Variants in PRELID2 observed in about 807,000 individuals in gnomAD.
PRELID2 encodes PRELI domain-containing protein 2.
Under a neutral mutation model 28.4 loss-of-function variants are expected in PRELID2, and 25 were observed. The observed-to-expected ratio is 0.88, with a 90% CI of 0.64 to 1.23. PRELID2 has a LOEUF of 1.23. PRELID2 is among the 50% of genes most tolerant of loss of function. The pLI, the probability that PRELID2 is intolerant of heterozygous loss-of-function variation, is 0.00. For missense variants in PRELID2, 201 were observed against 214.4 expected (o/e 0.94, Z 0.39); for synonymous variants, 76 against 71.6 (o/e 1.06, Z -0.31).
chr5:145,585,081 T>C (rs1457547008), intron 1 of PRELID2, among the ~76,000 whole-genome samples: 1 of 152,184 alleles, frequency 6.6e-6, no homozygotes, highest in Non-Finnish European at 1.5e-5. Context: ...GTGGTATATA[T>C]ACACAATGGG....
the PRELID2 span, among the ~76,000 whole-genome samples, chr5:145,422,465 T>C: frequency 1.3e-5 from 2 of 152,238 alleles, no homozygotes; most frequent in South Asian, 4.1e-4. Flanking sequence ...TCTTGTTGAA[T>C]TGATCCCTTT....
chr5:145,771,360 C>G (rs1180207371), intron 5 of PRELID2, among the ~76,000 whole-genome samples: 1 of 151,868 alleles, frequency 6.6e-6, no homozygotes, highest in African/African-American at 2.4e-5. Context: ...ACAAAATCGT[C>G]TAATAATATA....
chr5:145,482,320 A>C (rs1752169376), intron 1 of PRELID2, among the ~76,000 whole-genome samples: 1 of 152,236 alleles, frequency 6.6e-6, no homozygotes, highest in African/African-American at 2.4e-5. Context: ...AAGGAAAAAC[A>C]AAACAAAACA....
chr5:145,601,978 G>A (rs73792641), intron 1 of PRELID2, among the ~76,000 whole-genome samples: 4,909 of 152,206 alleles, frequency 0.032, 244 homozygotes, highest in African/African-American at 0.11. Flanking sequence ...TAGGAGAAAA[G>A]GAGTTGGAAT....
chr5:145,337,107 T>C, the PRELID2 span, among the ~76,000 whole-genome samples: 1 of 149,814 alleles, frequency 6.7e-6, no homozygotes, highest in Non-Finnish European at 1.5e-5. Context: ...AAACTTGAAG[T>C]ATAATAATAA....
chr5:145,754,792 T>C (rs1317318914), downstream of PRELID2, among the ~76,000 whole-genome samples: 1 of 152,208 alleles, frequency 6.6e-6, no homozygotes, highest in African/African-American at 2.4e-5. Flanking sequence ...ATGCTGAAGA[T>C]GAACCCTACA....
chr5:145,618,033 G>A (rs1282141863), intron 1 of PRELID2, among the ~76,000 whole-genome samples: 2 of 151,946 alleles, frequency 1.3e-5, no homozygotes, highest in African/African-American at 2.4e-5. Flanking sequence ...ATGCCCGGCC[G>A]ATTGTTTTTT....
intron 4 of PRELID2, among the ~76,000 whole-genome samples, chr5:145,815,653 C>T (rs1343255778): frequency 2.0e-5 from 3 of 152,182 alleles, no homozygotes; most frequent in African/African-American, 7.2e-5. Context: ...AATAAATGGA[C>T]CCATACAATA....
the PRELID2 span, among the ~76,000 whole-genome samples, chr5:145,320,732 T>A: frequency 2.5e-4 from 38 of 152,338 alleles, no homozygotes; most frequent in African/African-American, 8.7e-4. Context: ...AGGATATTTG[T>A]ACCATAAGCA....
At chr5:145,655,675 G>T (rs192286653) in intron 1 of PRELID2, among the ~76,000 whole-genome samples, 1 of 152,190 alleles carries the variant, frequency 6.6e-6, no homozygotes, top group Non-Finnish European at 1.5e-5. Flanking sequence ...AATAAATGGT[G>T]CTGGGAAAAC....
chr5:145,261,146 C>A, the PRELID2 span, among the ~76,000 whole-genome samples: 7 of 152,138 alleles, frequency 4.6e-5, no homozygotes, highest in Non-Finnish European at 1.0e-4. Flanking sequence ...TCCCATCCCC[C>A]ACAGCAGCTG....
intron 1 of PRELID2, among the ~76,000 whole-genome samples, chr5:145,828,225 G>T (rs1334299217): frequency 6.6e-6 from 1 of 152,106 alleles, no homozygotes; most frequent in Non-Finnish European, 1.5e-5. Context: ...TCAAAGAGTT[G>T]TTATAAGAAT....
intron 1 of PRELID2, among the ~76,000 whole-genome samples, chr5:145,748,126 C>A (rs1373461239): frequency 6.6e-6 from 1 of 152,194 alleles, no homozygotes; most frequent in Non-Finnish European, 1.5e-5. Flanking sequence ...CTCACCACTC[C>A]TATTCAACAT....
the PRELID2 span, among the ~76,000 whole-genome samples, chr5:145,251,828 G>A: frequency 1.3e-5 from 2 of 152,010 alleles, no homozygotes; most frequent in African/African-American, 2.4e-5. Context: ...CTTGGCCTGG[G>A]AGCCTGGCCT....
chr5:145,392,006 A>C, the PRELID2 span, among the ~76,000 whole-genome samples: 1 of 152,106 alleles, frequency 6.6e-6, no homozygotes, highest in Non-Finnish European at 1.5e-5. Context: ...TAGAGGTTTC[A>C]AACTTTCCCA....
chr5:145,460,106 G>A, the PRELID2 span, among the ~76,000 whole-genome samples: 1 of 152,146 alleles, frequency 6.6e-6, no homozygotes, highest in East Asian at 1.9e-4. Flanking sequence ...ACTGTGCCCA[G>A]CCTGTTAGTT....
chr5:145,559,640 G>T (rs942382134), intron 1 of PRELID2, among the ~76,000 whole-genome samples: 4 of 151,890 alleles, frequency 2.6e-5, no homozygotes, highest in African/African-American at 9.7e-5. Context: ...GAAAAGTCTG[G>T]CTCTAGCACG....
intron 1 of PRELID2, among the ~76,000 whole-genome samples, chr5:145,633,837 C>T (rs563420463): frequency 5.9e-5 from 9 of 152,222 alleles, no homozygotes; most frequent in African/African-American, 2.2e-4. Flanking sequence ...GCAATGCAAC[C>T]ATTTCCAGGT....
At chr5:145,741,588 A>T (rs868618994) in intron 1 of PRELID2, among the ~76,000 whole-genome samples, 25 of 46,558 alleles carry the variant, frequency 5.4e-4, no homozygotes, top group East Asian at 2.4e-3. Flanking sequence ...AATAATTTAT[A>T]TATAAAATTT....
Sources: allele counts gnomAD v4.1 joint callset (sites outside exome capture counted in the v4.1 genomes callset), GRCh38; gene constraint gnomAD v4.1.1; transcripts MANE v1.5; gene names NCBI Gene and HGNC (gene_info 2026-07-23, HGNC 2026-07-21).